The following LAMA2 variants were observed in gnomAD, a reference collection of about 807,000 sequenced individuals.
LAMA2 encodes the protein laminin subunit alpha-2.
In LAMA2, 269 loss-of-function variants were observed where a neutral mutation model predicts 364.8. The ratio of observed to expected loss-of-function variants is 0.74; its 90% CI spans 0.67 to 0.82. LAMA2 has a LOEUF of 0.82. Ranked by LOEUF, LAMA2 falls within the 40% of genes least tolerant of loss-of-function variation. The pLI, the probability that LAMA2 is intolerant of heterozygous loss-of-function variation, is 0.00. For synonymous variants in LAMA2, 1,379 were observed against 1,370.6 expected (o/e 1.01, Z -0.14); for missense variants, 3,807 against 3,873.2 (o/e 0.98, Z 0.45).
Position 129,503,123 on chromosome 6 carries a change from C to A in LAMA2, c.8390C>A (p.Ala2797Asp), listed in dbSNP as rs1372633363. The part of the protein sequence containing the change: ...LTIELEVRTE[A>D]ESGLLFYMAR... ...ATTGAGTTGGAAGTAAGAACCGAAG[C>A]TGAATCCGGCTTGCTTTTTTACATG... The change falls in exon 60 of 65, where the codon GCT becomes GAT. Residue 2797 changes from alanine to aspartate, a missense_variant. Ala to Asp is a moderately radical substitution (Grantham distance 126). Transcript: ENST00000421865. 1 of 1,614,174 alleles carries A rather than the reference C, an allele frequency of 6.2e-7. No individual in the cohort carries two copies. The highest frequency in any genetic ancestry group is 8.5e-7 in the Non-Finnish European group (1 of 1,180,006).
chr6:129,300,208 A>G (rs886301088), intron 21 of LAMA2, among the ~76,000 whole-genome samples: 38 of 152,230 alleles, frequency 2.5e-4, no homozygotes, highest in African/African-American at 8.4e-4. Context: ...CCATAATTCA[A>G]CCATTTTAAA....
intron 1 of LAMA2, among the ~76,000 whole-genome samples, chr6:128,921,103 T>C (rs1468031970): frequency 6.6e-6 from 1 of 152,208 alleles, no homozygotes; most frequent in Non-Finnish European, 1.5e-5. Context: ...ACATCTCATA[T>C]AGTAACATAA....
intron 3 of LAMA2, among the ~76,000 whole-genome samples, chr6:129,091,185 T>C (rs917865155): frequency 6.6e-6 from 1 of 152,192 alleles, no homozygotes; most frequent in African/African-American, 2.4e-5. Context: ...AGCTAGACTT[T>C]GAGATTTGCT....
chr6:128,986,164 G>A (rs548264013), intron 1 of LAMA2, among the ~76,000 whole-genome samples: 2 of 152,014 alleles, frequency 1.3e-5, no homozygotes, highest in African/African-American at 4.8e-5. Context: ...TAATCAAATT[G>A]TCTCATCTTT....
intron 64 of LAMA2, among the ~76,000 whole-genome samples, chr6:129,514,872 G>T (rs1360921541): frequency 1.3e-5 from 2 of 152,122 alleles, no homozygotes; most frequent in Non-Finnish European, 2.9e-5. Flanking sequence ...GCTTATAAAA[G>T]ATATGAGGCA....
At position 129,314,724 on chromosome 6, in the gene LAMA2, C is replaced by T. The variant is rs1327295073; in HGVS notation, c.3481C>T (p.Leu1161Phe). The change falls in exon 24 of 65, where the codon CTT (leucine) becomes TTT (phenylalanine). Residue 1161 changes from leucine to phenylalanine, a missense_variant. Physicochemically the swap from Leu to Phe is conservative, Grantham distance 22 (BLOSUM62 0). Coordinates refer to ENST00000421865, the MANE Select transcript of LAMA2 (RefSeq NM_000426.4). ...GKFGLDAKNP[L>F]GCSSCYCFGT... Reference sequence around the variant, plus strand: ...ATTCGGACTCGATGCCAAGAATCCACTTGGCTGCAGCAGCTGCTATTGCTT... The same window carrying T: ...ATTCGGACTCGATGCCAAGAATCCATTTGGCTGCAGCAGCTGCTATTGCTT... The T allele has an allele frequency of 3.1e-6, 5 of 1,613,862 alleles. No homozygotes were observed. Among genetic ancestry groups the T allele is most frequent in the Non-Finnish European group, 4.2e-6 (5 of 1,180,028 alleles).
chr6:129,229,752 G>T lies in LAMA2; in HGVS notation c.1783-20360G>T, dbSNP rs1159164535. ...GCTGAAAAGATATGCTAATAGTTTG[G>T]CTGTGGAACATGAAAGAAAGAGGAG... is the stretch of plus-strand genomic sequence containing the variant. On this transcript the variant is annotated intron_variant, in intron 12 of 64. Transcript: ENST00000421865. 2.0e-5 allele frequency among the ~76,000 whole-genome samples: 3 copies of T among 152,104 alleles called. No homozygotes were observed. In the East Asian group the frequency reaches 5.8e-4, roughly 29 times the overall value.
chr6:129,120,420 G>C (rs1776740217), intron 4 of LAMA2, among the ~76,000 whole-genome samples: 2 of 152,162 alleles, frequency 1.3e-5, no homozygotes, highest in South Asian at 4.1e-4. Flanking sequence ...AGACTTACTA[G>C]TTAGGTGCTA....
At chr6:129,354,322 A>C (rs971598542) in intron 32 of LAMA2, among the ~76,000 whole-genome samples, 13 of 152,144 alleles carry the variant, frequency 8.5e-5, no homozygotes, top group Admixed American at 7.2e-4. Context: ...ATAGATTTTA[A>C]AATCATTTTT....
At chr6:129,216,007 T>C (rs1448280633) in intron 12 of LAMA2, among the ~76,000 whole-genome samples, 1 of 152,124 alleles carries the variant, frequency 6.6e-6, no homozygotes, top group African/African-American at 2.4e-5. Context: ...GATCCAGTAT[T>C]AACAGAGAAA....
At chr6:128,938,458 G>A (rs368527493) in intron 1 of LAMA2, among the ~76,000 whole-genome samples, 57 of 152,232 alleles carry the variant, frequency 3.7e-4, no homozygotes, top group African/African-American at 1.1e-3. Flanking sequence ...TTTAGACGGC[G>A]TAGTTATAGG....
In LAMA2 at chr6:128,953,189, T is replaced by C. The variant is rs543761144; in HGVS notation, c.112+69832T>C. On this transcript the variant is annotated intron_variant, in intron 1 of 64. Transcript: ENST00000421865. ...TATTTCATAGCTAGCAAATGACAAC[T>C]GGAATTGAAGTCCATGCTTCTTCCG... Among the ~76,000 whole-genome samples the C allele has an allele frequency of 6.6e-5, 10 of 152,318 alleles. No homozygotes were observed. The East Asian group carries it at 1.9e-3, about 29-fold the overall frequency.
intron 16 of LAMA2, among the ~76,000 whole-genome samples, chr6:129,267,667 T>C (rs1035518591): frequency 1.3e-5 from 2 of 152,156 alleles, no homozygotes; most frequent in African/African-American, 4.8e-5. Context: ...TACATATTTT[T>C]ATTTAAAATG....
At chr6:129,314,134 CTCACGCCTGTAA>C (rs1774403684) in intron 23 of LAMA2, among the ~76,000 whole-genome samples, 1 of 152,132 alleles carries the variant, frequency 6.6e-6, no homozygotes, top group Admixed American at 6.5e-5. Flanking sequence ...GGCGTGGTGG[CTCACGCCTGTAA>C]TCCCACCACT....
chr6:129,155,038 T>G (rs931846309), intron 8 of LAMA2, among the ~76,000 whole-genome samples: 4 of 152,212 alleles, frequency 2.6e-5, no homozygotes, highest in Non-Finnish European at 4.4e-5. Context: ...ACATAATATG[T>G]TAAGATTTAT....
intron 1 of LAMA2, among the ~76,000 whole-genome samples, chr6:128,918,180 A>G (rs987982746): frequency 2.0e-5 from 3 of 152,154 alleles, no homozygotes; most frequent in Admixed American, 1.3e-4. Context: ...AGAAAATATA[A>G]TTATTCTTCT....
At position 128,883,347 on chromosome 6, in the gene LAMA2, T is replaced by C; in HGVS notation, c.102T>C (p.His34=). The C allele has an allele frequency of 6.3e-7, 1 of 1,597,678 alleles. No individual in the cohort carries two copies. The highest frequency in any genetic ancestry group is 8.5e-7 in the Non-Finnish European group (1 of 1,172,392). The part of the protein sequence containing the change: ...RPQQQRQSQA[H]QQRGLFPAVL... ...AGCAGCAGCGGCAGTCACAGGCACA[T>C]CAGCAAAGAGGTACAGTCGAGGCAT... The change falls in exon 1 of 65, where the codon CAT becomes CAC. Residue 34 remains histidine, a synonymous_variant. Coordinates refer to ENST00000421865, the MANE Select transcript of LAMA2 (RefSeq NM_000426.4).
At chr6:129,352,659 T>C (rs776022334) in intron 31 of LAMA2, among the ~76,000 whole-genome samples, 6 of 152,148 alleles carry the variant, frequency 3.9e-5, no homozygotes, top group Non-Finnish European at 2.9e-5. Context: ...ACAAGAGGAC[T>C]TAACAAAAAA....
At chr6:129,105,879 C>G (rs1775792054) in intron 4 of LAMA2, among the ~76,000 whole-genome samples, 2 of 152,122 alleles carry the variant, frequency 1.3e-5, no homozygotes. Context: ...TGAGACTTTT[C>G]CCTTTCTTTG....
Sources: allele counts gnomAD v4.1 joint callset (sites outside exome capture counted in the v4.1 genomes callset), GRCh38; gene constraint gnomAD v4.1.1; transcripts MANE v1.5; gene names NCBI Gene and HGNC (gene_info 2026-07-23, HGNC 2026-07-21).